The following CLEC4A variants were observed in gnomAD, a reference collection of about 807,000 sequenced individuals.
The protein encoded by CLEC4A is C-type (calcium dependent, carbohydrate-recognition domain) lectin, superfamily member 6.
Under a neutral mutation model 32.7 loss-of-function variants are expected in CLEC4A, and 27 were observed. That is an observed-to-expected ratio of 0.83 (90% CI 0.61 to 1.14). The LOEUF (loss-of-function observed/expected upper bound fraction) is 1.14. Among genes scored for constraint, CLEC4A ranks in the 50% most tolerant of loss-of-function variants. The pLI is 0.00. For synonymous variants in CLEC4A, 89 were observed against 93.7 expected, an observed-to-expected ratio of 0.95 and a Z score of 0.29; for missense variants, 253 against 274.6, an observed-to-expected ratio of 0.92 and a Z score of 0.55.
intron 3 of CLEC4A, chr12:8,134,622 C>T: frequency 1.2e-6 from 2 of 1,610,086 alleles, no homozygotes; most frequent in Non-Finnish European, 1.7e-6. Flanking sequence ...AGTCTGAGGC[C>T]CACAGTACGC....
intron 1 of CLEC4A, among the ~76,000 whole-genome samples, chr12:8,124,985 C>T (rs1044621258): frequency 2.6e-5 from 4 of 151,924 alleles, no homozygotes; most frequent in Admixed American, 1.3e-4. Context: ...TATCATAACT[C>T]GAAGAAAGTG....
At chr12:8,107,334 C>G in the CLEC4A span, among the ~76,000 whole-genome samples, 2 of 152,126 alleles carry the variant, frequency 1.3e-5, no homozygotes, top group Admixed American at 1.3e-4. Flanking sequence ...ACCTGGTTTC[C>G]TTTTTTATTC....
chr12:8,122,281 G>A (rs1307922968), upstream of CLEC4A, among the ~76,000 whole-genome samples: 4 of 152,026 alleles, frequency 2.6e-5, no homozygotes, highest in Non-Finnish European at 5.9e-5. Context: ...GGGTGAGGAG[G>A]GCTTCCACCC....
chr12:8,123,799 T>G lies in CLEC4A; in HGVS notation c.-80T>G. ...AAAGGAAGGAGGTAATTTACCACCATGTTTGGTTCCTGTTTATAAGATGTT... is the reference window on the plus strand; with the variant it reads ...AAAGGAAGGAGGTAATTTACCACCAGGTTTGGTTCCTGTTTATAAGATGTT... On this transcript the variant is annotated 5_prime_UTR_variant, in exon 1 of 6. It removes an upstream start codon present in the reference 5' UTR. Transcript: ENST00000229332. 1.5e-5 allele frequency: 14 copies of G among 958,066 alleles called. No homozygotes were observed. Among genetic ancestry groups the G allele is most frequent in the Non-Finnish European group, 2.0e-5 (12 of 595,116 alleles). The allele number at this position is 958,066 out of a possible 1,614,324, so 59.3% of individuals were successfully genotyped here.
chr12:8,106,533 T>A, the CLEC4A span, among the ~76,000 whole-genome samples: 1 of 152,232 alleles, frequency 6.6e-6, no homozygotes, highest in African/African-American at 2.4e-5. Context: ...ATGGAATATT[T>A]TTCCATTTGC....
chr12:8,125,454 T>G, intron 1 of CLEC4A, 107 bp from the exon 2 acceptor site: 2 of 691,958 alleles, frequency 2.9e-6, no homozygotes, highest in Non-Finnish European at 5.3e-6. Context: ...TGTCATACCG[T>G]TAGTAACTGT....
the CLEC4A span, among the ~76,000 whole-genome samples, chr12:8,113,287 G>C: frequency 6.6e-6 from 1 of 151,982 alleles, no homozygotes; most frequent in Non-Finnish European, 1.5e-5. Flanking sequence ...CCCTACAAAG[G>C]ACATGAACTC....
intron 2 of CLEC4A, among the ~76,000 whole-genome samples, chr12:8,128,067 C>T (rs111869371): frequency 5.9e-5 from 9 of 152,006 alleles, no homozygotes; most frequent in African/African-American, 1.5e-4. Context: ...ATATCACTCA[C>T]GGAGATAACT....
At chr12:8,112,116 G>T in the CLEC4A span, among the ~76,000 whole-genome samples, 7 of 151,992 alleles carry the variant, frequency 4.6e-5, no homozygotes, top group Non-Finnish European at 2.9e-5. Context: ...TTACAGGCAT[G>T]CACCACCATG....
chr12:8,135,093 C>CCAGGCTGG (rs1451073591), intron 3 of CLEC4A, among the ~76,000 whole-genome samples: 4 of 76,920 alleles, frequency 5.2e-5, no homozygotes, highest in Non-Finnish European at 1.0e-4. Context: ...GCTGTGTTGC[C>CCAGGCTGG]CAGGCTGGTC....
At chr12:8,133,696 C>G (rs1402822580) in intron 3 of CLEC4A, 27 of 1,566,008 alleles carry the variant, frequency 1.7e-5, no homozygotes, top group Non-Finnish European at 2.3e-5. Context: ...CCCAAAAGCC[C>G]TGGCACAAAC....
At chr12:8,127,119 C>A (rs958465642) in intron 2 of CLEC4A, among the ~76,000 whole-genome samples, 6 of 152,250 alleles carry the variant, frequency 3.9e-5, no homozygotes, top group Non-Finnish European at 7.4e-5. Context: ...GGGAGATTTC[C>A]CCAGTCCTGG....
chr12:8,118,055 G>A, the CLEC4A span, among the ~76,000 whole-genome samples: 2 of 151,736 alleles, frequency 1.3e-5, no homozygotes, highest in African/African-American at 4.9e-5. Flanking sequence ...AAGCAGGAGG[G>A]GAAGGAGGAA....
At chr12:8,103,555 T>G in the CLEC4A span, among the ~76,000 whole-genome samples, 1 of 151,794 alleles carries the variant, frequency 6.6e-6, no homozygotes, top group African/African-American at 2.4e-5. Context: ...CTGGCTAATT[T>G]TTTGTATTTT....
intron 3 of CLEC4A, among the ~76,000 whole-genome samples, chr12:8,132,807 C>A (rs1456838799): frequency 6.6e-6 from 1 of 151,742 alleles, no homozygotes. Flanking sequence ...CATTTTGCAG[C>A]TTTGTTTGGT....
At chr12:8,111,508 T>C in the CLEC4A span, among the ~76,000 whole-genome samples, 983 of 152,302 alleles carry the variant, frequency 6.5e-3, 7 homozygotes, top group African/African-American at 0.023. Context: ...GCATTCTCTC[T>C]CTGTGTGTAT....
At chr12:8,132,439 C>T (rs1017615741) in intron 3 of CLEC4A, among the ~76,000 whole-genome samples, 109 of 152,228 alleles carry the variant, frequency 7.2e-4, no homozygotes, top group African/African-American at 2.2e-3. Flanking sequence ...TAGTTTCAAG[C>T]GTATGGAGAT....
rs752929459 is a variant in CLEC4A at position 8,123,939 on chromosome 12, A to T, written c.61A>T (p.Ile21Phe). 9 of 1,611,328 alleles carry T rather than the reference A, an allele frequency of 5.6e-6. No homozygotes were observed. The highest frequency in any genetic ancestry group is 3.3e-5 in the Admixed American group (2 of 60,022). ...CAAAAATGAATTCAAGTCCTCAGGC[A>T]TCAACACAGCCTCTTCTGCAGGTAA... ...RFKNEFKSSG[I>F]NTASSAASKE... The change falls in exon 1 of 6, where the codon ATC (isoleucine) becomes TTC (phenylalanine). Residue 21 changes from isoleucine to phenylalanine, a missense_variant. Ile to Phe is a conservative substitution (Grantham distance 21). Transcript: ENST00000229332.
At chr12:8,125,417 C>A (rs909865189) in intron 1 of CLEC4A, 144 bp from the exon 2 acceptor site, 3 of 571,110 alleles carry the variant, frequency 5.3e-6, no homozygotes, top group African/African-American at 1.9e-5. Context: ...TATATCCTTT[C>A]TATTCCTATT....
Sources: gnomAD v4.1 joint callset for allele counts (sites outside exome capture counted in the v4.1 genomes callset) on GRCh38, gnomAD v4.1.1 for gene constraint, MANE v1.5 for transcripts, NCBI Gene and HGNC (gene_info 2026-07-23, HGNC 2026-07-21) for gene names.